Variants in SNTG2 observed in about 807,000 individuals in gnomAD.
The protein encoded by SNTG2 is syntrophin gamma 2, also known as gamma-2-syntrophin.
Under a neutral mutation model 70.9 loss-of-function variants are expected in SNTG2, and 74 were observed. The ratio of observed to expected loss-of-function variants is 1.04; its 90% confidence interval spans 0.86 to 1.27. The LOEUF (loss-of-function observed/expected upper bound fraction) is 1.27, where lower values mean the gene tolerates loss of function less well. Ranked by LOEUF, SNTG2 falls within the 50% of genes most tolerant of loss-of-function variation. The probability of loss-of-function intolerance (pLI) is 0.00; values close to 1 mark genes in which losing one functional copy is unlikely to be tolerated. For missense variants in SNTG2, 717 were observed against 690.7 expected (o/e 1.04, Z -0.43); for synonymous variants, 278 against 273.8 (o/e 1.02, Z -0.15).
chr2:1,060,798 G>A (rs1360411140), intron 1 of SNTG2, among the ~76,000 whole-genome samples: 1 of 152,244 alleles, frequency 6.6e-6, no homozygotes, highest in African/African-American at 2.4e-5. Context: ...AACAAATGCT[G>A]AAGTTATAAT....
At chr2:1,099,126 G>A (rs1428951288) in intron 4 of SNTG2, among the ~76,000 whole-genome samples, 1 of 152,162 alleles carries the variant, frequency 6.6e-6, no homozygotes, top group Non-Finnish European at 1.5e-5. Flanking sequence ...CTGCATCCTT[G>A]TGGCTGGCCT....
At chr2:1,254,115 C>A (rs981676299) in intron 12 of SNTG2, among the ~76,000 whole-genome samples, 4 of 152,188 alleles carry the variant, frequency 2.6e-5, no homozygotes, top group Non-Finnish European at 4.4e-5. Context: ...TGGGCGGAGT[C>A]ACAGACCCCA....
intron 1 of SNTG2, among the ~76,000 whole-genome samples, chr2:1,031,528 A>ATATATATATATTTTTTTTTT: frequency 5.1e-5 from 3 of 59,116 alleles, no homozygotes; most frequent in South Asian, 5.8e-4. Flanking sequence ...ATATATATAT[A>ATATATATATATTTTTTTTTT]TTTTTTTTTT....
At chr2:953,127 G>C (rs1660031640) in intron 1 of SNTG2, among the ~76,000 whole-genome samples, 1 of 152,182 alleles carries the variant, frequency 6.6e-6, no homozygotes, top group Admixed American at 6.5e-5. Context: ...AAGGTCTCCT[G>C]TTCGGTAACA....
At chr2:997,748 T>C (rs1292632251) in intron 1 of SNTG2, among the ~76,000 whole-genome samples, 1 of 152,198 alleles carries the variant, frequency 6.6e-6, no homozygotes, top group Non-Finnish European at 1.5e-5. Flanking sequence ...CACCGGGCAT[T>C]CCAGAGACCA....
At chr2:1,007,048 TAAATAAATAA>T (rs1659594147) in intron 1 of SNTG2, among the ~76,000 whole-genome samples, 1 of 151,748 alleles carries the variant, frequency 6.6e-6, no homozygotes, top group Admixed American at 6.6e-5. Context: ...AATAAATAAA[TAAATAAATAA>T]ATGTGTATAT....
intron 1 of SNTG2, among the ~76,000 whole-genome samples, chr2:1,071,356 A>G (rs966417287): frequency 1.5e-4 from 22 of 150,676 alleles, no homozygotes; most frequent in African/African-American, 5.4e-4. Flanking sequence ...TTGTAGGGAC[A>G]TGGATGAAAT....
At chr2:1,078,830 G>T (rs1029574405) in intron 1 of SNTG2, among the ~76,000 whole-genome samples, 2 of 152,118 alleles carry the variant, frequency 1.3e-5, no homozygotes, top group Non-Finnish European at 2.9e-5. Context: ...GGGATTTGCT[G>T]GTGAGTTGGA....
rs537747894 is a variant in SNTG2 at position 1,157,373 on chromosome 2, G to A, written c.412-8175G>A. ...TGAATGCACCCCGGCACCGCGGCTC[G>A]TGCGCTGGAGTGCAACCAGTACTGT... On this transcript the variant is annotated intron_variant, in intron 6 of 16. Coordinates refer to ENST00000308624, the MANE Select transcript of SNTG2 (RefSeq NM_018968.4). 3.9e-5 allele frequency among the ~76,000 whole-genome samples: 6 copies of A among 152,296 alleles called. No individual in the cohort carries two copies. The South Asian group carries it at 8.3e-4, about 21-fold the overall frequency.
At chr2:1,007,074 T>C (rs1250808205) in intron 1 of SNTG2, among the ~76,000 whole-genome samples, 1 of 152,056 alleles carries the variant, frequency 6.6e-6, no homozygotes, top group Non-Finnish European at 1.5e-5. Context: ...TATATATATA[T>C]GTATGTATAG....
intron 1 of SNTG2, among the ~76,000 whole-genome samples, chr2:1,081,578 A>G (rs1055656599): frequency 6.6e-6 from 1 of 152,246 alleles, no homozygotes; most frequent in African/African-American, 2.4e-5. Flanking sequence ...GCCTGGGTCC[A>G]GCCACACCCC....
At chr2:1,336,948 C>A (rs1659847443) in intron 16 of SNTG2, among the ~76,000 whole-genome samples, 1 of 152,194 alleles carries the variant, frequency 6.6e-6, no homozygotes, top group South Asian at 2.1e-4. Flanking sequence ...AGGTCTTTTG[C>A]AGTTCAATAT....
At chr2:1,277,969 C>T (rs1312983271) in intron 14 of SNTG2, among the ~76,000 whole-genome samples, 2 of 152,228 alleles carry the variant, frequency 1.3e-5, no homozygotes, top group Non-Finnish European at 2.9e-5. Context: ...TTCTGGTTTT[C>T]CAATGAGTAG....
At chr2:1,331,004 C>G (rs1659498033) in intron 16 of SNTG2, among the ~76,000 whole-genome samples, 3 of 152,150 alleles carry the variant, frequency 2.0e-5, no homozygotes, top group Admixed American at 2.0e-4. Flanking sequence ...GTGACTTGCT[C>G]CTGTGTGTTT....
intron 4 of SNTG2, among the ~76,000 whole-genome samples, chr2:1,105,127 G>T (rs1237619753): frequency 6.6e-6 from 1 of 152,094 alleles, no homozygotes; most frequent in Non-Finnish European, 1.5e-5. Flanking sequence ...GAATGCAGGG[G>T]TTCCATTCGC....
intron 2 of SNTG2, among the ~76,000 whole-genome samples, chr2:1,096,017 C>T (rs1045141255): frequency 6.6e-6 from 1 of 152,100 alleles, no homozygotes; most frequent in Non-Finnish European, 1.5e-5. Context: ...AGGGAATGAA[C>T]CCCCCCTTGG....
intron 8 of SNTG2, among the ~76,000 whole-genome samples, chr2:1,206,286 A>G (rs1051640072): frequency 4.6e-5 from 7 of 152,178 alleles, no homozygotes. Flanking sequence ...CCTGTGTGGA[A>G]GGTGGGCACA....
At chr2:1,209,914 A>G (rs1190283811) in intron 9 of SNTG2, among the ~76,000 whole-genome samples, 3 of 151,942 alleles carry the variant, frequency 2.0e-5, no homozygotes, top group Admixed American at 6.6e-5. Context: ...ACTTCCCACA[A>G]TGTGTGTGCA....
chr2:1,290,401 G>A lies in SNTG2; in HGVS notation c.1285-18093G>A, dbSNP rs148494475. On this transcript the variant is annotated intron_variant, in intron 14 of 16. Coordinates refer to ENST00000308624, the MANE Select transcript of SNTG2 (RefSeq NM_018968.4). ...ATGATCTTGGCTTACTGCAACCTCC[G>A]GCTCCCAGGTTCCAGCAATTCTTCT... is the stretch of plus-strand genomic sequence containing the variant. Among the ~76,000 whole-genome samples, 166 of 150,906 alleles carry A rather than the reference G, an allele frequency of 1.1e-3. 1 individual carries two copies. The highest frequency in any genetic ancestry group is 3.9e-3 in the African/African-American group (160 of 41,030).
Sources: gnomAD v4.1 joint callset for allele counts (sites outside exome capture counted in the v4.1 genomes callset) on GRCh38, gnomAD v4.1.1 for gene constraint, MANE v1.5 for transcripts, NCBI Gene and HGNC (gene_info 2026-07-23, HGNC 2026-07-21) for gene names.